NRXN3: variants seen among roughly 807,000 people sequenced by gnomAD.
NRXN3 encodes the protein neurexin III.
Under a neutral mutation model 137.6 loss-of-function variants are expected in NRXN3, and 32 were observed. That is an observed-to-expected ratio of 0.23 (90% CI 0.18 to 0.31). NRXN3 has a LOEUF of 0.31. Ranked by LOEUF, NRXN3 falls within the 10% of genes least tolerant of loss-of-function variation. NRXN3 has a pLI of 1.00. For missense variants in NRXN3, 1,574 were observed against 2,062.5 expected (o/e 0.76, Z 4.59); for synonymous variants, 798 against 784.5 (o/e 1.02, Z -0.29).
chr14:79,286,535 A>AATATATATATATATATAT (rs111827205), intron 15 of NRXN3, among the ~76,000 whole-genome samples: 5 of 139,676 alleles, frequency 3.6e-5, no homozygotes, highest in Admixed American at 7.3e-5. Flanking sequence ...TTGAGAGAAT[A>AATATATATATATATATAT]ATATATATAT....
At chr14:78,443,810 T>C (rs2094331615) in intron 4 of NRXN3, among the ~76,000 whole-genome samples, 1 of 152,242 alleles carries the variant, frequency 6.6e-6, no homozygotes, top group Non-Finnish European at 1.5e-5. Context: ...AGTCATTGTT[T>C]ATTTTCTCCC....
chr14:78,915,383 A>C (rs1378473075), intron 10 of NRXN3, among the ~76,000 whole-genome samples: 2 of 150,568 alleles, frequency 1.3e-5, no homozygotes, highest in Admixed American at 6.6e-5. Flanking sequence ...CCACACAGAA[A>C]AAAAACAAGC....
rs143112865 is a variant in NRXN3, at chr14:78,730,007, C to T, written c.2044+14868C>T. Among the ~76,000 whole-genome samples, 287 of 152,312 alleles carry T rather than the reference C, an allele frequency of 1.9e-3. 3 individuals carry two copies. The highest frequency in any genetic ancestry group is 6.7e-3 in the African/African-American group (279 of 41,574). On this transcript the variant is annotated intron_variant, in intron 8 of 20. Transcript: ENST00000335750. ...GACATCTAAACTGCCCACCCTCACC[C>T]CCAATAACAAGTTAGGATTTTCGTA...
chr14:78,799,877 C>G (rs2098833399), intron 8 of NRXN3, among the ~76,000 whole-genome samples: 1 of 151,904 alleles, frequency 6.6e-6, no homozygotes, highest in African/African-American at 2.4e-5. Context: ...GGAAACTGCC[C>G]CCATGATTCA....
chr14:79,649,117 A>T (rs2098464225), intron 16 of NRXN3, among the ~76,000 whole-genome samples: 1 of 152,092 alleles, frequency 6.6e-6, no homozygotes, highest in Non-Finnish European at 1.5e-5. Context: ...CCTCTTCTTT[A>T]AGTTTTCACT....
intron 15 of NRXN3, among the ~76,000 whole-genome samples, chr14:79,064,040 G>C (rs193154560): frequency 7.1e-4 from 108 of 152,252 alleles, no homozygotes; most frequent in African/African-American, 2.5e-3. Flanking sequence ...TAAAACTAAA[G>C]CAAGTGAGGA....
intron 15 of NRXN3, among the ~76,000 whole-genome samples, chr14:79,283,333 C>G (rs2081605862): frequency 6.6e-6 from 1 of 152,170 alleles, no homozygotes; most frequent in African/African-American, 2.4e-5. Context: ...TACACTTGCT[C>G]TTCCCTTGCC....
intron 15 of NRXN3, among the ~76,000 whole-genome samples, chr14:79,459,109 A>G (rs960551565): frequency 4.6e-5 from 7 of 152,118 alleles, no homozygotes; most frequent in African/African-American, 1.7e-4. Flanking sequence ...GTTGAGTTAG[A>G]CCTGGATTAA....
At chr14:78,908,979 T>G (rs986334827) in intron 10 of NRXN3, among the ~76,000 whole-genome samples, 3 of 152,136 alleles carry the variant, frequency 2.0e-5, no homozygotes, top group African/African-American at 7.2e-5. Flanking sequence ...ATTTCCTAAT[T>G]GAAAAGCCTA....
chr14:78,455,343 G>T (rs937008441), intron 4 of NRXN3, among the ~76,000 whole-genome samples: 2 of 152,194 alleles, frequency 1.3e-5, no homozygotes, highest in Admixed American at 6.5e-5. Context: ...AGGATGGAGA[G>T]GGAGGAGAAG....
At chr14:78,326,265 C>A (rs1292641508) in intron 4 of NRXN3, among the ~76,000 whole-genome samples, 2 of 152,060 alleles carry the variant, frequency 1.3e-5, no homozygotes, top group Non-Finnish European at 2.9e-5. Flanking sequence ...GGCCATACCT[C>A]ATCTCTACAC....
At chr14:79,706,974 G>A (rs566070952) in intron 19 of NRXN3, among the ~76,000 whole-genome samples, 28 of 152,116 alleles carry the variant, frequency 1.8e-4, no homozygotes, top group East Asian at 1.6e-3. Flanking sequence ...TTCGTTTGTC[G>A]CCACCGGACT....
At chr14:78,778,800 CT>C (rs2098757396) in intron 8 of NRXN3, among the ~76,000 whole-genome samples, 2 of 114,930 alleles carry the variant, frequency 1.7e-5, no homozygotes, top group Non-Finnish European at 3.6e-5. Context: ...TTCTTTCTTT[CT>C]TTCTTTCTTT....
At chr14:78,873,012 TTGA>T (rs1225335384) in intron 10 of NRXN3, among the ~76,000 whole-genome samples, 1 of 152,202 alleles carries the variant, frequency 6.6e-6, no homozygotes, top group African/African-American at 2.4e-5. Context: ...TATTTCTCAG[TTGA>T]TGTGATCCTT....
intron 4 of NRXN3, among the ~76,000 whole-genome samples, chr14:78,503,247 C>T (rs918311802): frequency 6.6e-6 from 1 of 152,098 alleles, no homozygotes; most frequent in Non-Finnish European, 1.5e-5. Flanking sequence ...TAAAAAGCTA[C>T]TTGTATAAAT....
intron 4 of NRXN3, among the ~76,000 whole-genome samples, chr14:78,581,792 C>A (rs2097000425): frequency 6.6e-6 from 1 of 152,134 alleles, no homozygotes. Context: ...CATATAATAG[C>A]TTACTGGTTA....
chr14:78,974,438 G>C (rs2099456272), intron 14 of NRXN3, among the ~76,000 whole-genome samples: 1 of 152,190 alleles, frequency 6.6e-6, no homozygotes, highest in Non-Finnish European at 1.5e-5. Flanking sequence ...TAATCTGAAA[G>C]TTCTCATCCA....
chr14:79,383,504 T>G (rs148946685), intron 15 of NRXN3, among the ~76,000 whole-genome samples: 13 of 152,212 alleles, frequency 8.5e-5, no homozygotes, highest in South Asian at 2.1e-4. Flanking sequence ...CAACTATTTT[T>G]TCATAGCTTG....
At chr14:78,997,405 G>A (rs61995276) in intron 15 of NRXN3, among the ~76,000 whole-genome samples, 15 of 152,014 alleles carry the variant, frequency 9.9e-5, no homozygotes, top group Non-Finnish European at 2.1e-4. Flanking sequence ...TTAAGGTGAC[G>A]GCAATAATCC....
Sources: gnomAD v4.1 joint callset for allele counts (sites outside exome capture counted in the v4.1 genomes callset) on GRCh38, gnomAD v4.1.1 for gene constraint, MANE v1.5 for transcripts, NCBI Gene and HGNC (gene_info 2026-07-23, HGNC 2026-07-21) for gene names.